The following LRRC7 variants were observed in gnomAD, a reference collection of about 807,000 sequenced individuals.
LRRC7 encodes leucine-rich repeat-containing protein 7.
LRRC7 carries 23 observed loss-of-function variants against 175.7 expected under a neutral mutation model. The ratio of observed to expected loss-of-function variants is 0.13; its 90% CI spans 0.09 to 0.19. The LOEUF is 0.19. LRRC7 is among the 10% of genes least tolerant of loss of function. The pLI is 1.00. For missense variants in LRRC7, 1,354 were observed against 1,904.7 expected, an observed-to-expected ratio of 0.71 and a Z score of 5.38; for synonymous variants, 685 against 680.9, an observed-to-expected ratio of 1.01 and a Z score of -0.09.
intron 1 of LRRC7, among the ~76,000 whole-genome samples, chr1:69,633,802 G>T (rs949664540): frequency 6.6e-6 from 1 of 152,062 alleles, no homozygotes; most frequent in Admixed American, 6.6e-5. Context: ...TTAATCTAGG[G>T]CCTGCCATGG....
At chr1:70,057,743 G>A (rs1205464788) in intron 23 of LRRC7, among the ~76,000 whole-genome samples, 2 of 152,096 alleles carry the variant, frequency 1.3e-5, no homozygotes, top group Non-Finnish European at 2.9e-5. Flanking sequence ...TCATGGCCAT[G>A]CCAGCCAGTA....
intron 8 of LRRC7, among the ~76,000 whole-genome samples, chr1:69,959,562 A>C (rs1285710214): frequency 1.3e-5 from 2 of 152,088 alleles, no homozygotes; most frequent in Non-Finnish European, 2.9e-5. Flanking sequence ...GGAGAAGAAC[A>C]GATTGGTTAT....
At chr1:69,955,254 A>G (rs903239416) in intron 8 of LRRC7, among the ~76,000 whole-genome samples, 5 of 152,086 alleles carry the variant, frequency 3.3e-5, no homozygotes, top group African/African-American at 1.2e-4. Flanking sequence ...TGAGGAAGAC[A>G]AATATTAATC....
At chr1:69,652,357 C>T (rs1199189643) in intron 1 of LRRC7, among the ~76,000 whole-genome samples, 1 of 151,920 alleles carries the variant, frequency 6.6e-6, no homozygotes, top group African/African-American at 2.4e-5. Context: ...ATGAATAATT[C>T]AAAAAGGAAA....
chr1:69,855,972 T>A (rs987108463), intron 7 of LRRC7, among the ~76,000 whole-genome samples: 1 of 152,170 alleles, frequency 6.6e-6, no homozygotes, highest in Non-Finnish European at 1.5e-5. Context: ...TGTTTCCATT[T>A]GCTTGGTAGA....
At chr1:69,626,158 T>A (rs1651487692) in intron 1 of LRRC7, among the ~76,000 whole-genome samples, 1 of 152,210 alleles carries the variant, frequency 6.6e-6, no homozygotes, top group Non-Finnish European at 1.5e-5. Flanking sequence ...CGTTAATATC[T>A]GATTCATTCT....
chr1:69,976,280 A>G (rs1176197565), intron 8 of LRRC7, among the ~76,000 whole-genome samples: 1 of 152,210 alleles, frequency 6.6e-6, no homozygotes, highest in Non-Finnish European at 1.5e-5. Flanking sequence ...CTCAAAGCTG[A>G]AGAACTTGGA....
At chr1:69,751,854 T>G (rs1263217150) in intron 2 of LRRC7, among the ~76,000 whole-genome samples, 1 of 152,188 alleles carries the variant, frequency 6.6e-6, no homozygotes, top group East Asian at 1.9e-4. Context: ...ACAGGCAGTA[T>G]GCTTTTCTTC....
chr1:70,132,546 A>G lies in LRRC7; in HGVS notation c.*10659A>G, dbSNP rs952853545. Among the ~76,000 whole-genome samples, 1 of 130,364 alleles carries G rather than the reference A, an allele frequency of 7.7e-6. No individual in the cohort carries two copies. Among genetic ancestry groups the G allele is most frequent in the Non-Finnish European group, 1.5e-5 (1 of 65,530 alleles). 85.5% of individuals were successfully genotyped at this position (130,364 alleles called of 152,430 possible). On this transcript the variant is annotated 3_prime_UTR_variant, in exon 27 of 27. Transcript: ENST00000651989. ...GAGTGCAGTGGCACGATCTCAGCTT[A>G]CTGCAACCTCCGCCCTCCGAGTTCA...
chr1:69,670,749 C>T (rs992288218), intron 1 of LRRC7, among the ~76,000 whole-genome samples: 11 of 152,166 alleles, frequency 7.2e-5, no homozygotes, highest in Non-Finnish European at 1.2e-4. Flanking sequence ...ACTCTTCCCT[C>T]CTCTTTCCAT....
intron 7 of LRRC7, among the ~76,000 whole-genome samples, chr1:69,868,291 G>C (rs1685149837): frequency 6.6e-6 from 1 of 152,002 alleles, no homozygotes; most frequent in African/African-American, 2.4e-5. Context: ...TAATTAAACA[G>C]TTATAATGCT....
intron 1 of LRRC7, among the ~76,000 whole-genome samples, chr1:69,595,315 G>C (rs1351800595): frequency 6.6e-6 from 1 of 152,182 alleles, no homozygotes; most frequent in Non-Finnish European, 1.5e-5. Context: ...AGCTACTCGG[G>C]AGGCTGAGGC....
intron 4 of LRRC7, among the ~76,000 whole-genome samples, chr1:69,820,814 A>G (rs1168463082): frequency 6.6e-6 from 1 of 152,200 alleles, no homozygotes; most frequent in South Asian, 2.1e-4. Flanking sequence ...CAGTGCTGCA[A>G]TAGACATAGA....
chr1:69,994,528 T>G (rs769043746), intron 10 of LRRC7, 33 bp from the exon 11 acceptor site: 2 of 1,368,044 alleles, frequency 1.5e-6, no homozygotes, highest in Non-Finnish European at 2.1e-6. Flanking sequence ...TAATCTGCTC[T>G]TATGTATTAA....
chr1:69,699,883 A>C (rs543593072), intron 2 of LRRC7, among the ~76,000 whole-genome samples: 1 of 152,288 alleles, frequency 6.6e-6, no homozygotes, highest in South Asian at 2.1e-4. Context: ...GCCAAGCACC[A>C]GTCTTTTATG....
intron 1 of LRRC7, among the ~76,000 whole-genome samples, chr1:69,669,950 A>C (rs1658827720): frequency 6.6e-6 from 1 of 152,214 alleles, no homozygotes; most frequent in East Asian, 1.9e-4. Context: ...TCTCTTAGTT[A>C]AATTTGTCTG....
At chr1:69,629,621 T>G (rs1450022705) in intron 1 of LRRC7, among the ~76,000 whole-genome samples, 1 of 152,118 alleles carries the variant, frequency 6.6e-6, no homozygotes, top group Non-Finnish European at 1.5e-5. Flanking sequence ...TTATTTCATC[T>G]CTATTTTGAC....
intron 8 of LRRC7, among the ~76,000 whole-genome samples, chr1:69,952,411 A>G (rs1206689534): frequency 6.6e-6 from 1 of 152,108 alleles, no homozygotes; most frequent in African/African-American, 2.4e-5. Flanking sequence ...TGAGAGTTCT[A>G]ACAATTCTCT....
chr1:69,914,963 C>T (rs1646643314), intron 7 of LRRC7, among the ~76,000 whole-genome samples: 1 of 152,062 alleles, frequency 6.6e-6, no homozygotes, highest in Non-Finnish European at 1.5e-5. Flanking sequence ...TTCATAAAAA[C>T]ATTCATATTT....
Sources: allele counts gnomAD v4.1 joint callset (sites outside exome capture counted in the v4.1 genomes callset), GRCh38; gene constraint gnomAD v4.1.1; transcripts MANE v1.5; gene names NCBI Gene and HGNC (gene_info 2026-07-23, HGNC 2026-07-21).